Variants in SSPN observed in about 807,000 individuals in gnomAD.
SSPN encodes K-ras oncogene-associated protein.
A neutral mutation model predicts 19.1 loss-of-function variants in SSPN; 15 were observed. The observed-to-expected ratio is 0.78, with a 90% CI of 0.52 to 1.21. The LOEUF (loss-of-function observed/expected upper bound fraction) is 1.21, where lower values mean the gene tolerates loss of function less well. Among genes scored for constraint, SSPN ranks in the 50% most tolerant of loss-of-function variants. SSPN has a pLI of 0.00. For synonymous variants in SSPN, 147 were observed against 140.3 expected (o/e 1.05, Z -0.34); for missense variants, 291 against 314.0 (o/e 0.93, Z 0.55).
At chr12:26,198,850 G>A (rs1944853362) in intron 1 of SSPN, among the ~76,000 whole-genome samples, 1 of 152,180 alleles carries the variant, frequency 6.6e-6, no homozygotes, top group Non-Finnish European at 1.5e-5. Flanking sequence ...AGTGATTCAG[G>A]GCTGGTATAT....
At chr12:26,155,676 T>A (rs1944551723) in intron 1 of SSPN, among the ~76,000 whole-genome samples, 1 of 152,190 alleles carries the variant, frequency 6.6e-6, no homozygotes, top group African/African-American at 2.4e-5. Context: ...AAATCATTCA[T>A]GATAAATGTG....
chr12:26,193,331 A>G (rs1366575125), upstream of SSPN, among the ~76,000 whole-genome samples: 6 of 152,196 alleles, frequency 3.9e-5, no homozygotes, highest in Admixed American at 3.9e-4. Flanking sequence ...TAGGCTAGTG[A>G]CTTTAATCCA....
upstream of SSPN, among the ~76,000 whole-genome samples, chr12:26,195,108 G>T (rs919107047): frequency 6.6e-6 from 1 of 152,178 alleles, no homozygotes; most frequent in Non-Finnish European, 1.5e-5. Context: ...TTGTCAGCTG[G>T]ATTACAGAAA....
rs1322909490 is a variant in SSPN, at chr12:26,232,078, A to G, written c.*1002A>G. ...CAAAAACAAGAGCATTTGTAATAGG[A>G]AGTGTTTATACAAACAGCACATTTG... On this transcript the variant is annotated 3_prime_UTR_variant, in exon 3 of 3. Coordinates refer to ENST00000242729, the MANE Select transcript of SSPN (RefSeq NM_005086.5). 1 of 985,320 alleles carries G rather than the reference A, an allele frequency of 1.0e-6. No homozygotes were observed. Among genetic ancestry groups the G allele is most frequent in the Non-Finnish European group, 1.2e-6 (1 of 829,934 alleles). 61.0% of individuals were successfully genotyped at this position (985,320 alleles called of 1,614,324 possible).
rs1160171677 is a variant in SSPN at position 26,231,073 on chromosome 12, C to G, written c.729C>G (p.Ile243Met). 1.9e-6 allele frequency: 3 copies of G among 1,609,410 alleles called. No homozygotes were observed. The highest frequency in any genetic ancestry group is 2.5e-6 in the Non-Finnish European group (3 of 1,176,578). The part of the protein sequence containing the change: ...LTASEGPQQK[I>M] Reference sequence around the variant, plus strand: ...CTTCCGAAGGCCCCCAGCAAAAGATCTAACATTCTTGCTCAAAGTTGCGAG... The same window carrying G: ...CTTCCGAAGGCCCCCAGCAAAAGATGTAACATTCTTGCTCAAAGTTGCGAG... Residue 243 changes from isoleucine to methionine, a missense_variant, in exon 3 of 3, where the codon ATC becomes ATG. Ile to Met is a conservative substitution (Grantham distance 10, BLOSUM62 1). Around this residue, in one of 3 missense-constraint regions of SSPN, gnomAD observed 141 missense variants for 166.7 expected, o/e 0.85. Coordinates refer to ENST00000242729, the MANE Select transcript of SSPN (RefSeq NM_005086.5).
chr12:26,154,352 C>T (rs1944543868), intron 1 of SSPN, among the ~76,000 whole-genome samples: 1 of 152,176 alleles, frequency 6.6e-6, no homozygotes, highest in Non-Finnish European at 1.5e-5. Context: ...CAGAGCCTTG[C>T]ACTGAGCAAC....
intron 1 of SSPN, among the ~76,000 whole-genome samples, chr12:26,147,652 G>A (rs1944501042): frequency 6.6e-6 from 1 of 152,202 alleles, no homozygotes; most frequent in South Asian, 2.1e-4. Context: ...ATTTCTGTGT[G>A]AGCAGAAACA....
chr12:26,220,919 T>C (rs989993128), intron 1 of SSPN, among the ~76,000 whole-genome samples: 17 of 152,060 alleles, frequency 1.1e-4, no homozygotes, highest in Admixed American at 3.9e-4. Context: ...CAGACACTTA[T>C]CATTTCTCAG....
At chr12:26,143,524 G>A (rs1003400481) in intron 1 of SSPN, among the ~76,000 whole-genome samples, 4 of 152,168 alleles carry the variant, frequency 2.6e-5, no homozygotes, top group African/African-American at 4.8e-5. Flanking sequence ...TGCAGAGCTG[G>A]TGTTTTAAGT....
intron 1 of SSPN, among the ~76,000 whole-genome samples, chr12:26,143,266 A>G (rs529310865): frequency 1.1e-3 from 168 of 152,360 alleles, no homozygotes; most frequent in African/African-American, 4.0e-3. Flanking sequence ...TATCATCTTA[A>G]TATACTTGAT....
chr12:26,185,556 G>A (rs1489809790), intron 1 of SSPN, among the ~76,000 whole-genome samples: 2 of 152,166 alleles, frequency 1.3e-5, no homozygotes, highest in Admixed American at 6.5e-5. Context: ...AGTGACACTA[G>A]GAAGCATTGT....
intron 2 of SSPN, among the ~76,000 whole-genome samples, chr12:26,226,761 T>C (rs1167403411): frequency 6.6e-6 from 1 of 152,124 alleles, no homozygotes; most frequent in Non-Finnish European, 1.5e-5. Context: ...GCACGTTCCC[T>C]CCTGCCCACA....
chr12:26,161,193 C>T (rs775392341), intron 1 of SSPN, among the ~76,000 whole-genome samples: 3 of 151,402 alleles, frequency 2.0e-5, no homozygotes, highest in Non-Finnish European at 4.4e-5. Flanking sequence ...GTTTTACTGA[C>T]AGTAAAATTC....
chr12:26,221,593 AAAG>A (rs56222669), intron 1 of SSPN, among the ~76,000 whole-genome samples: 32,054 of 152,184 alleles, frequency 0.21, 4,261 homozygotes, highest in Non-Finnish European at 0.31. Context: ...TGAAGGCTAC[AAAG>A]AAGTAGCTAC....
intron 1 of SSPN, among the ~76,000 whole-genome samples, chr12:26,166,162 A>G (rs2137428754): frequency 6.6e-6 from 1 of 152,280 alleles, no homozygotes; most frequent in Non-Finnish European, 1.5e-5. Context: ...TAGGAGAAAT[A>G]CCTAATGTAG....
intron 1 of SSPN, among the ~76,000 whole-genome samples, chr12:26,184,646 C>T (rs1468010387): frequency 6.6e-6 from 1 of 152,074 alleles, no homozygotes; most frequent in Non-Finnish European, 1.5e-5. Context: ...GTCCAGAGAA[C>T]TTTAGTGGTC....
At chr12:26,153,951 C>T (rs897224059) in intron 1 of SSPN, among the ~76,000 whole-genome samples, 3 of 152,332 alleles carry the variant, frequency 2.0e-5, no homozygotes, top group Non-Finnish European at 2.9e-5. Context: ...TCCAGTGCCT[C>T]TGAACATTTG....
intron 1 of SSPN, among the ~76,000 whole-genome samples, chr12:26,207,166 T>C (rs1011722067): frequency 1.3e-5 from 2 of 152,234 alleles, no homozygotes; most frequent in African/African-American, 4.8e-5. Flanking sequence ...CTGGCTCTAC[T>C]AATGTAGAAT....
upstream of SSPN, chr12:26,195,434 CG>C: frequency 1.5e-6 from 1 of 651,614 alleles, no homozygotes; most frequent in Non-Finnish European, 2.2e-6. Context: ...AAATCCTGCC[CG>C]GGGCCCGGCA....
Sources: gnomAD v4.1 joint callset for allele counts (sites outside exome capture counted in the v4.1 genomes callset) on GRCh38, gnomAD v4.1.1 for gene constraint, gnomAD v4.1.1 regional missense constraint, MANE v1.5 for transcripts, NCBI Gene and HGNC (gene_info 2026-07-23, HGNC 2026-07-21) for gene names.